CA5B: variants seen among roughly 807,000 people sequenced by gnomAD.
The protein encoded by CA5B is carbonic anhydrase 5B, mitochondrial.
A neutral mutation model predicts 23.1 loss-of-function variants in CA5B; 15 were observed. That is an observed-to-expected ratio of 0.65 (90% CI 0.43 to 1.00). The LOEUF (loss-of-function observed/expected upper bound fraction) is 1.00, where lower values mean the gene tolerates loss of function less well. CA5B is among the 50% of genes least tolerant of loss of function. The pLI is 0.00. For synonymous variants in CA5B, 84 were observed against 98.5 expected (o/e 0.85, Z 0.87); for missense variants, 236 against 252.2 (o/e 0.94, Z 0.43).
chrX:15,743,363 T>C (rs1053140423), intron 1 of CA5B, among the ~76,000 whole-genome samples: 1 of 112,402 alleles, frequency 8.9e-6, no homozygotes, highest in African/African-American at 3.2e-5. Context: ...ACTAGACATA[T>C]TCAAATTGTC....
rs1357448571 is a variant in CA5B, at chrX:15,743,984, CT to C, written c.-54+5636del. On this transcript the variant is annotated intron_variant, in intron 1 of 7. Coordinates refer to ENST00000318636, the MANE Select transcript of CA5B (RefSeq NM_007220.4). ...TCTGGGGCACAGATAGAGGTCCAGA[CT>C]TTTGGACCACTACAAGCAATCTACC... 2.7e-5 allele frequency among the ~76,000 whole-genome samples: 3 copies of C among 111,940 alleles called. No individual in the cohort carries two copies. In the East Asian group the frequency reaches 8.4e-4, roughly 31 times the overall value.
chrX:15,769,451 T>A, intron 3 of CA5B: 1 of 750,235 alleles, frequency 1.3e-6, no homozygotes, highest in Non-Finnish European at 1.6e-6. Context: ...CCCTGTCAAT[T>A]ATCATCTCCT....
chrX:15,738,378 G>C (rs922700286), intron 1 of CA5B, 26 bp downstream of exon 1: 1 of 111,470 alleles, frequency 9.0e-6, no homozygotes. Flanking sequence ...CGAGAGGAGT[G>C]GGGGGCGACC....
At chrX:15,757,649 A>G (rs1931519805) in intron 2 of CA5B, among the ~76,000 whole-genome samples, 1 of 108,101 alleles carries the variant, frequency 9.3e-6, no homozygotes, top group Admixed American at 9.9e-5. Context: ...TGGAGGTTGC[A>G]GTGAGCCAAG....
intron 7 of CA5B, among the ~76,000 whole-genome samples, chrX:15,777,887 G>A (rs1346887156): frequency 9.1e-6 from 1 of 110,446 alleles, no homozygotes; most frequent in African/African-American, 3.3e-5. Flanking sequence ...GATTGTTACC[G>A]TATTAAGTTT....
Position 15,785,653 on chromosome X carries a change from C to CT in CA5B, c.*2993dup, listed in dbSNP as rs1427998106. On this transcript the variant is annotated 3_prime_UTR_variant, in exon 8 of 8. Transcript: ENST00000318636. ...ATACGTATAAGTTTGAGAAATATCT[C>CT]TTTTAAAAAGGGGGAAATGTGAAGG... 9.0e-6 allele frequency: 1 copy of CT among 111,565 alleles called. No homozygotes were observed. Among genetic ancestry groups the CT allele is most frequent in the African/African-American group, 3.3e-5 (1 of 30,705 alleles). 9.2% of individuals were successfully genotyped at this position (111,565 alleles called of 1,213,427 possible).
At chrX:15,771,204 CAAAAAAAAAA>C (rs758945690) in intron 3 of CA5B, among the ~76,000 whole-genome samples, 1 of 30,189 alleles carries the variant, frequency 3.3e-5, no homozygotes, top group Non-Finnish European at 5.7e-5. Context: ...CTCATCTCTA[CAAAAAAAAAA>C]AAAAAAAAAA....
intron 2 of CA5B, 76 bp downstream of exon 2, chrX:15,750,241 A>G (rs1931329825): frequency 1.4e-5 from 12 of 835,098 alleles, no homozygotes; most frequent in South Asian, 7.4e-5. Flanking sequence ...ATCTCTTAGA[A>G]AAAAAGAGAA....
At chrX:15,769,147 G>T (rs1485650928) in intron 3 of CA5B, among the ~76,000 whole-genome samples, 13 of 111,863 alleles carry the variant, frequency 1.2e-4, no homozygotes, top group Non-Finnish European at 1.9e-5. Context: ...GAAATCAAAA[G>T]TTGGTTCTTT....
intron 2 of CA5B, among the ~76,000 whole-genome samples, chrX:15,760,961 T>C (rs1328498038): frequency 8.9e-6 from 1 of 111,889 alleles, no homozygotes; most frequent in African/African-American, 3.2e-5. Flanking sequence ...AAGAGATGTT[T>C]ATTCATGATG....
intron 7 of CA5B, 143 bp downstream of exon 7, chrX:15,777,012 T>C: frequency 2.2e-6 from 1 of 462,008 alleles, no homozygotes; most frequent in Non-Finnish European, 3.5e-6. Flanking sequence ...TTGTCTCAGT[T>C]TGGACATGAA....
intron 2 of CA5B, 27 bp from the exon 3 acceptor site, chrX:15,764,551 A>G (rs1302659591): frequency 8.3e-6 from 10 of 1,207,754 alleles, no homozygotes. Context: ...AACAGTCTTG[A>G]TAATAGGCTG....
At chrX:15,766,989 C>A in intron 3 of CA5B, 1 of 474,120 alleles carries the variant, frequency 2.1e-6, no homozygotes, top group Non-Finnish European at 3.3e-6. Context: ...AAACAACAAG[C>A]TAAATTCCTG....
intron 3 of CA5B, among the ~76,000 whole-genome samples, chrX:15,768,122 C>T (rs1238396214): frequency 9.1e-6 from 1 of 110,361 alleles, no homozygotes; most frequent in East Asian, 2.8e-4. Flanking sequence ...GTCTCAAACT[C>T]CTGACCTCAA....
intron 3 of CA5B, among the ~76,000 whole-genome samples, chrX:15,770,062 C>T (rs1601790854): frequency 8.9e-6 from 1 of 111,763 alleles, no homozygotes; most frequent in Non-Finnish European, 1.9e-5. Flanking sequence ...GTCTGTAATC[C>T]CAGTGCTTTG....
At chrX:15,748,806 T>C (rs1931296514) in intron 1 of CA5B, among the ~76,000 whole-genome samples, 1 of 105,954 alleles carries the variant, frequency 9.4e-6, no homozygotes, top group Admixed American at 1.0e-4. Flanking sequence ...CCCAGCACTT[T>C]GGGAGGCTTG....
intron 7 of CA5B, among the ~76,000 whole-genome samples, chrX:15,778,863 C>G (rs925374968): frequency 9.9e-5 from 11 of 110,728 alleles, no homozygotes; most frequent in Non-Finnish European, 5.7e-5. Context: ...TCATGATCCC[C>G]TCCCCTGACA....
chrX:15,752,773 ACCCT>A (rs1481563576), intron 2 of CA5B, among the ~76,000 whole-genome samples: 1 of 110,306 alleles, frequency 9.1e-6, no homozygotes, highest in African/African-American at 3.3e-5. Flanking sequence ...TTTTTTCCAG[ACCCT>A]CCCAATCCTA....
At chrX:15,782,000 G>A (rs1677304360) in intron 7 of CA5B, among the ~76,000 whole-genome samples, 1 of 111,419 alleles carries the variant, frequency 9.0e-6, no homozygotes, top group Admixed American at 9.5e-5. Context: ...CAATACCCAG[G>A]TGCAGTGAGC....
Sources: gnomAD v4.1 joint callset for allele counts (sites outside exome capture counted in the v4.1 genomes callset) on GRCh38, gnomAD v4.1.1 for gene constraint, MANE v1.5 for transcripts, NCBI Gene and HGNC (gene_info 2026-07-23, HGNC 2026-07-21) for gene names.